TSC2: variants seen among roughly 807,000 people sequenced by gnomAD.
TSC2 encodes tuberin.
Under a neutral mutation model 202.2 loss-of-function variants are expected in TSC2, and 29 were observed. The observed-to-expected ratio is 0.14, with a 90% CI of 0.11 to 0.20. The LOEUF is 0.20. Ranked by LOEUF, TSC2 falls within the 10% of genes least tolerant of loss-of-function variation. The pLI is 1.00. For synonymous variants in TSC2, 1,349 were observed against 1,044.0 expected, an observed-to-expected ratio of 1.29 and a Z score of -5.63; for missense variants, 2,429 against 2,420.0, an observed-to-expected ratio of 1.00 and a Z score of -0.08.
rs116085243 is a variant in TSC2, at chr16:2,070,847, G to A, written c.1839+269G>A. 4.4e-3 allele frequency among the ~76,000 whole-genome samples: 678 copies of A among 152,364 alleles called. 5 individuals carry two copies. The highest frequency in any genetic ancestry group is 0.015 in the African/African-American group (643 of 41,576). On this transcript the variant is annotated intron_variant, in intron 17 of 41. Transcript: ENST00000219476. ...AGGACGCACGGCGACTTCCGGGGCA[G>A]TGCATGGCCCTGACGCTCCTGGTGC...
intron 22 of TSC2, chr16:2,074,936 C>A (rs972332317): frequency 1.3e-4 from 23 of 181,040 alleles, no homozygotes; most frequent in Middle Eastern, 2.4e-3. Context: ...AGAAGCCTGG[C>A]CAGGCGCGGT....
In TSC2 at chr16:2,077,698, A is replaced by G. The variant is rs2089594947; in HGVS notation, c.2938A>G (p.Ile980Val). The part of the protein sequence containing the change: ...SAAEAFRCRS[I>V]SVSEHVVRSR... ...AGCCGAGGCCTTCCGGTGCCGCAGC[A>G]TCAGTGTGTCTGAACATGTGGTCCG... The change falls in exon 26 of 42, where the codon ATC becomes GTC. Residue 980 changes from isoleucine to valine, a missense_variant. Coordinates refer to ENST00000219476, the MANE Select transcript of TSC2 (RefSeq NM_000548.5). The G allele has an allele frequency of 1.2e-6, 2 of 1,612,900 alleles. No homozygotes were observed. Among genetic ancestry groups the G allele is most frequent in the Non-Finnish European group, 1.7e-6 (2 of 1,180,032 alleles).
intron 4 of TSC2, 63 bp downstream of exon 4, chr16:2,053,515 G>C (rs2085387908): frequency 6.7e-7 from 1 of 1,482,316 alleles, no homozygotes; most frequent in Non-Finnish European, 9.1e-7. Context: ...TCCTGTCCCT[G>C]CTGGGCCGTG....
In TSC2 at chr16:2,056,722, C is replaced by G. The variant is rs796053502; in HGVS notation, c.727C>G (p.Leu243Val). The stretch of plus-strand genomic sequence containing the variant: ...GAGCCTCCCGCTGTTCATCGTTACC[C>G]TCTGTCGCACCATCAACGTCAAGGA... Reference protein sequence around the residue: ...AESLPLFIVTLCRTINVKELC... With the variant: ...AESLPLFIVTVCRTINVKELC... Residue 243 changes from leucine to valine, a missense_variant, in exon 8 of 42, where the codon CTC becomes GTC. Physicochemically the swap from Leu to Val is conservative, Grantham distance 32 (BLOSUM62 1). Transcript: ENST00000219476. 4 of 1,612,302 alleles carry G rather than the reference C, an allele frequency of 2.5e-6. No homozygotes were observed. Among genetic ancestry groups the G allele is most frequent in the Non-Finnish European group, 3.4e-6 (4 of 1,180,022 alleles).
In TSC2 at chr16:2,062,940, C is replaced by G. The variant is rs45517166; in HGVS notation, c.1362-32C>G. The G allele has an allele frequency of 5.9e-3, 9,186 of 1,545,804 alleles. 32 individuals carry two copies. The highest frequency in any genetic ancestry group is 7.1e-3 in the Non-Finnish European group (8,190 of 1,146,004). ...GGTGTGGGGCTGTGGCCGGGCACTC[C>G]CCACCCGCCCCAGCAGGCTGCCGTC... On this transcript the variant is annotated intron_variant, in intron 13 of 41. Transcript: ENST00000219476.
At chr16:2,074,174 G>A (rs2151345633) in intron 21 of TSC2, 26 bp from the exon 22 acceptor site, 1 of 1,609,816 alleles carries the variant, frequency 6.2e-7, no homozygotes, top group Non-Finnish European at 8.5e-7. Flanking sequence ...AAGCGGGTGG[G>A]GCCTGAGGTG....
intron 2 of TSC2, among the ~76,000 whole-genome samples, chr16:2,049,424 C>T: frequency 6.6e-6 from 1 of 152,116 alleles, no homozygotes; most frequent in East Asian, 1.9e-4. Context: ...GTCTTTGTCA[C>T]ACATGCCTGG....
At chr16:2,088,355 T>C (rs2151634345) in intron 41 of TSC2, 30 bp downstream of exon 41, 1 of 1,612,072 alleles carries the variant, frequency 6.2e-7, no homozygotes, top group Non-Finnish European at 8.5e-7. Context: ...CTCAGCGGGG[T>C]GTGCTGGCTG....
chr16:2,069,918 C>T (rs566571722), intron 16 of TSC2, among the ~76,000 whole-genome samples: 4 of 152,274 alleles, frequency 2.6e-5, no homozygotes, highest in African/African-American at 9.6e-5. Flanking sequence ...TGGCCTCAGT[C>T]ATTTCTTTCA....
chr16:2,074,588 T>A, intron 22 of TSC2, 199 bp downstream of exon 22: 1 of 662,224 alleles, frequency 1.5e-6, no homozygotes, highest in Admixed American at 2.4e-5. Context: ...CTCTCACCCC[T>A]CTAGTGTCCA....
chr16:2,072,077 C>T, intron 19 of TSC2, 143 bp downstream of exon 19: 2 of 1,486,034 alleles, frequency 1.3e-6, no homozygotes, highest in African/African-American at 1.4e-5. Flanking sequence ...CTTCCCCGAG[C>T]AGCTGCAGGG....
rs1272587966 is a variant in TSC2, at chr16:2,077,282, G to T, written c.2838-316G>T. On this transcript the variant is annotated intron_variant, in intron 25 of 41. Transcript: ENST00000219476. ...GCGGGTGGGTGGGATTGCCTGGCCA[G>T]CACAGCCTGGAATCTGCCGTGGGGG... The T allele has an allele frequency of 7.5e-6, 3 of 399,760 alleles. No homozygotes were observed. The East Asian group carries it at 1.7e-4, about 22-fold the overall frequency. The allele number at this position is 399,760 out of a possible 1,614,324, so 24.8% of individuals were successfully genotyped here. A position where few individuals can be genotyped will look rare whatever the true frequency, so the allele number is the denominator to read the frequency against.
chr16:2,075,988 C>T lies in TSC2; in HGVS notation c.2640-80C>T, dbSNP rs567186052. The stretch of plus-strand genomic sequence containing the variant: ...GCAGCCTTTGTCCCCAAGGCCTGAG[C>T]GCCTCGGTTTTTTGCACTTCATGCC... On this transcript the variant is annotated intron_variant, in intron 23 of 41. Coordinates refer to ENST00000219476, the MANE Select transcript of TSC2 (RefSeq NM_000548.5). The T allele has an allele frequency of 6.0e-5, 97 of 1,611,740 alleles. No homozygotes were observed. The African/African-American group carries it at 8.3e-4, about 14-fold the overall frequency.
At chr16:2,076,394 G>T (rs2089372658) in intron 24 of TSC2, 97 bp from the exon 25 acceptor site, 1 of 1,589,354 alleles carries the variant, frequency 6.3e-7, no homozygotes, top group Admixed American at 1.7e-5. Flanking sequence ...CCCCTAGCCT[G>T]CAGCTTGTCC....
rs1271003753 is a variant in TSC2, at chr16:2,072,170, C to G, written c.2098-71C>G. 1.9e-6 allele frequency: 3 copies of G among 1,608,098 alleles called. No individual in the cohort carries two copies. The East Asian group carries it at 6.7e-5, about 36-fold the overall frequency. Reference sequence around the variant, plus strand: ...ACGCTGTGCAGCCACAAAGCAGAGCCTCAGATGCTAGCTTCCGCCTCTGTC... The same window carrying G: ...ACGCTGTGCAGCCACAAAGCAGAGCGTCAGATGCTAGCTTCCGCCTCTGTC... On this transcript the variant is annotated intron_variant, in intron 19 of 41. Transcript: ENST00000219476.
At chr16:2,055,020 C>T (rs574109105) in intron 5 of TSC2, 67 of 362,362 alleles carry the variant, frequency 1.8e-4, no homozygotes, top group Middle Eastern at 1.9e-3. Flanking sequence ...GTGACGTGGC[C>T]GGCAGCCAAG....
At chr16:2,057,068 A>T in intron 8 of TSC2, 37 bp from the exon 9 acceptor site, 1 of 1,549,512 alleles carries the variant, frequency 6.5e-7, no homozygotes. Flanking sequence ...GGCAGGGCTT[A>T]TGCCTGCCAG....
At chr16:2,053,285 C>T (rs910593236) in intron 3 of TSC2, 57 bp from the exon 4 acceptor site, 33 of 1,526,706 alleles carry the variant, frequency 2.2e-5, no homozygotes, top group Middle Eastern at 2.3e-4. Flanking sequence ...CTCCAGTTGC[C>T]GGGGCCAGGG....
chr16:2,055,838 C>T (rs1038834693), intron 6 of TSC2: 15 of 429,002 alleles, frequency 3.5e-5, no homozygotes, highest in South Asian at 8.5e-5. Context: ...TTGCAGTGAG[C>T]GGAGATCGTG....
Sources: gnomAD v4.1 joint callset for allele counts (sites outside exome capture counted in the v4.1 genomes callset) on GRCh38, gnomAD v4.1.1 for gene constraint, MANE v1.5 for transcripts, NCBI Gene and HGNC (gene_info 2026-07-23, HGNC 2026-07-21) for gene names.